Variants in CSMD1 observed in about 807,000 individuals in gnomAD.
The protein encoded by CSMD1 is CUB and Sushi multiple domains 1, also known as CUB and sushi domain-containing protein 1.
A neutral mutation model predicts 417.5 loss-of-function variants in CSMD1; 213 were observed. That is an observed-to-expected ratio of 0.51 (90% CI 0.46 to 0.57). CSMD1 has a LOEUF of 0.57. Ranked by LOEUF, CSMD1 falls within the 20% of genes least tolerant of loss-of-function variation. The pLI is 0.00. For missense variants in CSMD1, 6,923 were observed against 4,529.7 expected, an observed-to-expected ratio of 1.53 and a Z score of -15.17; for synonymous variants, 2,862 against 1,736.8, an observed-to-expected ratio of 1.65 and a Z score of -16.11.
chr8:4,238,808 T>A (rs951097125), intron 3 of CSMD1, among the ~76,000 whole-genome samples: 3 of 152,184 alleles, frequency 2.0e-5, no homozygotes, highest in Non-Finnish European at 4.4e-5. Flanking sequence ...CTTTTGTAAA[T>A]GCTTTGGCCC....
At chr8:4,143,324 C>A (rs932790592) in intron 3 of CSMD1, among the ~76,000 whole-genome samples, 1 of 148,046 alleles carries the variant, frequency 6.8e-6, no homozygotes, top group African/African-American at 2.5e-5. Flanking sequence ...ATTTCCAGTT[C>A]TTCAAATCTG....
intron 2 of CSMD1, among the ~76,000 whole-genome samples, chr8:4,564,341 G>T (rs1413264454): frequency 6.6e-6 from 1 of 152,056 alleles, no homozygotes; most frequent in Non-Finnish European, 1.5e-5. Flanking sequence ...GTCTGTCTAG[G>T]CTGCTATAAG....
In CSMD1 at chr8:4,637,383, T is replaced by C. The variant is rs17417724; in HGVS notation, c.261A>G (p.Ser87=). 0.055 allele frequency: 88,811 copies of C among 1,613,820 alleles called. 2,758 individuals are homozygous for C. Among genetic ancestry groups the C allele is most frequent in the Non-Finnish European group, 0.063 (73,770 of 1,179,712 alleles). Residue 87 remains serine, a synonymous_variant, in exon 2 of 70, where the codon TCA becomes TCG. Coordinates refer to ENST00000635120, the MANE Select transcript of CSMD1 (RefSeq NM_033225.6). ...FALEEDFDIL[S]VYDGQPQQGN... is the part of the protein sequence containing the mutation. ...CTTGTTGAGGCTGTCCATCGTAAAC[T>C]GATAAAATATCAAAATCTTCTTCAA...
At chr8:3,812,145 C>T (rs573717440) in intron 5 of CSMD1, among the ~76,000 whole-genome samples, 1 of 152,254 alleles carries the variant, frequency 6.6e-6, no homozygotes, top group East Asian at 1.9e-4. Context: ...TTCATATTCA[C>T]ATGACAATTC....
chr8:3,743,300 G>A (rs1303594794), intron 6 of CSMD1, among the ~76,000 whole-genome samples: 2 of 152,242 alleles, frequency 1.3e-5, no homozygotes, highest in Non-Finnish European at 2.9e-5. Flanking sequence ...CCTCTCTGGA[G>A]ATGGCTTTCC....
chr8:2,956,018 G>C (rs1000500804), intron 63 of CSMD1, among the ~76,000 whole-genome samples: 1 of 151,918 alleles, frequency 6.6e-6, no homozygotes, highest in Non-Finnish European at 1.5e-5. Context: ...TGGGATTACA[G>C]GCATGAGCCA....
chr8:3,036,857 C>T (rs994222665), intron 50 of CSMD1, among the ~76,000 whole-genome samples: 2 of 152,044 alleles, frequency 1.3e-5, no homozygotes, highest in African/African-American at 4.8e-5. Context: ...GGGGTACAAG[C>T]GTTTTTGGTT....
intron 1 of CSMD1, among the ~76,000 whole-genome samples, chr8:4,911,012 T>G: frequency 6.6e-6 from 1 of 152,246 alleles, no homozygotes; most frequent in Admixed American, 6.5e-5. Flanking sequence ...CTACAAAAAC[T>G]CTCTCTTTGC....
chr8:3,869,152 G>A (rs370593854), intron 5 of CSMD1, among the ~76,000 whole-genome samples: 21 of 152,210 alleles, frequency 1.4e-4, no homozygotes, highest in East Asian at 9.7e-4. Flanking sequence ...TCTCCACACC[G>A]TGCCCTGAAA....
intron 3 of CSMD1, among the ~76,000 whole-genome samples, chr8:4,251,756 G>T (rs538021549): frequency 3.3e-5 from 5 of 152,026 alleles, no homozygotes; most frequent in South Asian, 4.2e-4. Context: ...TCTCACAAGT[G>T]TGTGTGAGAG....
rs116484620 is a variant in CSMD1 at position 3,857,827 on chromosome 8, C to A, written c.819-103785G>T. On this transcript the variant is annotated intron_variant, in intron 5 of 69. Transcript: ENST00000635120. Reference sequence around the variant, plus strand: ...AGGCCAGAGTAGAAAAGAGCTTATTCTTTTATAAAATACCTAGAGTTACCT... The same window carrying A: ...AGGCCAGAGTAGAAAAGAGCTTATTATTTTATAAAATACCTAGAGTTACCT... Among the ~76,000 whole-genome samples, 444 of 152,278 alleles carry A rather than the reference C, an allele frequency of 2.9e-3. 4 individuals are homozygous for A. Among genetic ancestry groups the A allele is most frequent in the African/African-American group, 1.0e-2 (414 of 41,560 alleles).
At chr8:4,681,411 T>C (rs1324853952) in intron 1 of CSMD1, among the ~76,000 whole-genome samples, 1 of 152,190 alleles carries the variant, frequency 6.6e-6, no homozygotes, top group African/African-American at 2.4e-5. Context: ...TTTCCCTCTT[T>C]CCATCATCTT....
intron 3 of CSMD1, among the ~76,000 whole-genome samples, chr8:4,381,957 C>G (rs1476791439): frequency 1.3e-5 from 2 of 152,042 alleles, no homozygotes; most frequent in African/African-American, 2.4e-5. Flanking sequence ...AATAACTGCA[C>G]TAAGTGGACA....
intron 6 of CSMD1, among the ~76,000 whole-genome samples, chr8:3,725,550 C>T (rs17067160): frequency 0.017 from 2,525 of 152,148 alleles, 80 homozygotes; most frequent in African/African-American, 0.057. Flanking sequence ...CTCCCATGAG[C>T]TGCTTGTATT....
intron 8 of CSMD1, among the ~76,000 whole-genome samples, chr8:3,600,894 T>C (rs907097759): frequency 3.3e-5 from 5 of 152,108 alleles, no homozygotes; most frequent in African/African-American, 9.7e-5. Flanking sequence ...TTCAATACAA[T>C]AAAAAAATGG....
intron 3 of CSMD1, among the ~76,000 whole-genome samples, chr8:4,354,028 C>T (rs960489763): frequency 2.0e-5 from 3 of 152,150 alleles, no homozygotes; most frequent in Admixed American, 1.3e-4. Flanking sequence ...CAGGCTTTTT[C>T]CTCTCCATAC....
rs952046407 is a variant in CSMD1 at position 4,788,042 on chromosome 8, G to A, written c.86-150484C>T. 3.2e-5 allele frequency: 51 copies of A among 1,591,442 alleles called. No homozygotes were observed. The Middle Eastern group carries it at 6.8e-4, about 21-fold the overall frequency. On this transcript the variant is annotated intron_variant, in intron 1 of 69. Transcript: ENST00000635120. ...AAGTAACTCCTGAAGGGCTCCAAAT[G>A]GTAAAGAAAAACTTTGAGTGGGTTG...
At chr8:3,596,704 G>T (rs1042841376) in intron 8 of CSMD1, among the ~76,000 whole-genome samples, 1 of 151,958 alleles carries the variant, frequency 6.6e-6, no homozygotes, top group South Asian at 2.1e-4. Flanking sequence ...CAGGCTTAAG[G>T]AGCACCACAC....
At position 3,230,134 on chromosome 8, in the gene CSMD1, A is replaced by T; in HGVS notation, c.4251T>A (p.Cys1417Ter). The change falls in exon 27 of 70, where the codon TGT becomes TGA. Residue 1417 changes from cysteine (C) to a stop codon, truncating the protein, a stop_gained. Transcript: ENST00000635120. LOFTEE classifies it high-confidence loss of function. ...GTCCTTGGAGCTGATAGCCAGGGTC[A>T]CACTGGAATGTGACGGTGTCTCCAG... ...REAGDTVTFQ[C>*]DPGYQLQGQA... is the part of the protein sequence containing the mutation. 1 of 1,613,830 alleles carries T rather than the reference A, an allele frequency of 6.2e-7. No homozygotes were observed. The highest frequency in any genetic ancestry group is 8.5e-7 in the Non-Finnish European group (1 of 1,179,796).
Sources: allele counts gnomAD v4.1 joint callset (sites outside exome capture counted in the v4.1 genomes callset), GRCh38; gene constraint gnomAD v4.1.1; transcripts MANE v1.5; gene names NCBI Gene and HGNC (gene_info 2026-07-23, HGNC 2026-07-21).